Variants in APBA1 observed in about 807,000 individuals in gnomAD.
The protein encoded by APBA1 is amyloid beta precursor protein binding family A member 1, also known as amyloid-beta A4 precursor protein-binding family A member 1.
In APBA1, 55 loss-of-function variants were observed where a neutral mutation model predicts 86.6. That is an observed-to-expected ratio of 0.64 (90% CI 0.51 to 0.80). The LOEUF (loss-of-function observed/expected upper bound fraction) is 0.80, where lower values mean the gene tolerates loss of function less well. Among genes scored for constraint, APBA1 ranks in the 30% least tolerant of loss-of-function variants. APBA1 has a pLI of 0.00. For synonymous variants in APBA1, 511 were observed against 493.9 expected, an observed-to-expected ratio of 1.03 and a Z score of -0.46; for missense variants, 1,090 against 1,183.0, an observed-to-expected ratio of 0.92 and a Z score of 1.15.
At position 69,431,189 on chromosome 9, in the gene APBA1, T is replaced by C; in HGVS notation, c.*138A>G. The stretch of plus-strand genomic sequence containing the variant: ...AAATCGGAGAGAGTAAAGAGGTCCT[T>C]GTGGATTCTTCTCTTCCTGTGTAAA... On this transcript the variant is annotated 3_prime_UTR_variant, in exon 13 of 13. Transcript: ENST00000265381. 1.6e-6 allele frequency: 1 copy of C among 607,600 alleles called. No homozygotes were observed. The highest frequency in any genetic ancestry group is 2.7e-5 in the South Asian group (1 of 37,080). The allele number at this position is 607,600 out of a possible 1,614,324, so 37.6% of individuals were successfully genotyped here.
At chr9:69,579,774 A>G (rs181744713) in intron 1 of APBA1, among the ~76,000 whole-genome samples, 1 of 152,354 alleles carries the variant, frequency 6.6e-6, no homozygotes, top group African/African-American at 2.4e-5. Context: ...AAAGAGGAAA[A>G]CAAGTGGGTC....
chr9:69,599,610 A>C (rs1174365861), intron 1 of APBA1, among the ~76,000 whole-genome samples: 4 of 152,220 alleles, frequency 2.6e-5, no homozygotes, highest in South Asian at 4.1e-4. Context: ...GGGATTATAG[A>C]ACTTTCACCA....
chr9:69,658,306 CTTTCTTTCTTTCTTTCTTTCTT>C lies in APBA1; in HGVS notation c.-70+13825_-70+13846del, dbSNP rs1564105044. Reference sequence around the variant, plus strand: ...TTTCTCTCTCTCTTTCTCTCTCTCTCTTTCTTTCTTTCTTTCTTTCTTTCTTTCTTTCTTTCTTTCTTTCTTT... The same window carrying C: ...TTTCTCTCTCTCTTTCTCTCTCTCTCTCTTTCTTTCTTTCTTTCTTTCTTT... On this transcript the variant is annotated intron_variant, in intron 1 of 12. Coordinates refer to ENST00000265381, the MANE Select transcript of APBA1 (RefSeq NM_001163.4). 2.8e-3 allele frequency among the ~76,000 whole-genome samples: 202 copies of C among 70,938 alleles called. 1 individual carries two copies. The highest frequency in any genetic ancestry group is 7.0e-3 in the African/African-American group (176 of 25,256). 46.5% of individuals were successfully genotyped at this position (70,938 alleles called of 152,430 possible).
At chr9:69,623,753 G>A (rs1353420126) in intron 1 of APBA1, among the ~76,000 whole-genome samples, 2 of 152,196 alleles carry the variant, frequency 1.3e-5, no homozygotes, top group African/African-American at 4.8e-5. Flanking sequence ...CCATGTGGAT[G>A]CACATATTTG....
intron 11 of APBA1, among the ~76,000 whole-genome samples, chr9:69,436,255 A>T (rs1349250304): frequency 1.3e-5 from 2 of 149,778 alleles, no homozygotes; most frequent in African/African-American, 2.5e-5. Context: ...TTGACTTGGC[A>T]ATGTGGGCTC....
chr9:69,657,773 T>G (rs28671175), intron 1 of APBA1, among the ~76,000 whole-genome samples: 171 of 152,344 alleles, frequency 1.1e-3, no homozygotes, highest in African/African-American at 3.9e-3. Flanking sequence ...AGCTTTTATT[T>G]TGGGTGACTC....
intron 1 of APBA1, among the ~76,000 whole-genome samples, chr9:69,540,880 C>T (rs1253826454): frequency 6.6e-6 from 1 of 152,206 alleles, no homozygotes; most frequent in Non-Finnish European, 1.5e-5. Context: ...GTTGGGATTA[C>T]AAGCATGAGC....
At chr9:69,545,590 T>TATTTATCACATGTTTAGAAC (rs1160136163) in intron 1 of APBA1, among the ~76,000 whole-genome samples, 1 of 152,204 alleles carries the variant, frequency 6.6e-6, no homozygotes, top group Non-Finnish European at 1.5e-5. Context: ...TTTTTGTTCT[T>TATTTATCACATGTTTAGAAC]ATTATTTATC....
chr9:69,665,915 T>C (rs948588823), intron 1 of APBA1, among the ~76,000 whole-genome samples: 3 of 152,192 alleles, frequency 2.0e-5, no homozygotes, highest in South Asian at 2.1e-4. Flanking sequence ...CTTGTATTTT[T>C]AGTAGAGACA....
chr9:69,465,913 T>A (rs975771479), intron 5 of APBA1, among the ~76,000 whole-genome samples: 4 of 152,306 alleles, frequency 2.6e-5, no homozygotes, highest in South Asian at 2.1e-4. Context: ...ATGAAGTGGC[T>A]GAGTGGATCC....
chr9:69,644,896 A>T (rs1370141752), intron 1 of APBA1, among the ~76,000 whole-genome samples: 1 of 152,202 alleles, frequency 6.6e-6, no homozygotes, highest in Non-Finnish European at 1.5e-5. Context: ...ACCTGTGATT[A>T]TTCAGGGTAG....
intron 1 of APBA1, among the ~76,000 whole-genome samples, chr9:69,647,156 C>T (rs533484361): frequency 3.1e-4 from 47 of 152,228 alleles, no homozygotes; most frequent in African/African-American, 1.1e-3. Flanking sequence ...CCAGACTGGA[C>T]CCTGAGGTTT....
rs538436934 is a variant in APBA1 at position 69,521,074 on chromosome 9, A to G, written c.-69-3795T>C. ...ACGTGACACATTTAACCTTCACACT[A>G]GCTAATGAAGAGTACTGCCATTATC... On this transcript the variant is annotated intron_variant, in intron 1 of 12. Transcript: ENST00000265381. 1.5e-4 allele frequency among the ~76,000 whole-genome samples: 23 copies of G among 152,338 alleles called. 3 individuals are homozygous for G. The East Asian group carries it at 4.2e-3, about 28-fold the overall frequency.
intron 1 of APBA1, among the ~76,000 whole-genome samples, chr9:69,540,353 T>A (rs994899120): frequency 6.6e-6 from 1 of 151,522 alleles, no homozygotes; most frequent in Non-Finnish European, 1.5e-5. Context: ...GCTCAGTACA[T>A]TTTTTTTTAA....
At chr9:69,441,645 G>T (rs1834826386) in intron 10 of APBA1, among the ~76,000 whole-genome samples, 1 of 152,084 alleles carries the variant, frequency 6.6e-6, no homozygotes, top group Non-Finnish European at 1.5e-5. Context: ...CCTTCTTTCT[G>T]CCAGTTAGAG....
intron 1 of APBA1, among the ~76,000 whole-genome samples, chr9:69,610,013 C>T (rs1176997457): frequency 6.6e-6 from 1 of 152,086 alleles, no homozygotes; most frequent in Admixed American, 6.6e-5. Flanking sequence ...GATTATAAGG[C>T]CACCTTAAAT....
intron 1 of APBA1, among the ~76,000 whole-genome samples, chr9:69,644,974 A>C (rs1025730175): frequency 6.6e-6 from 1 of 152,122 alleles, no homozygotes. Context: ...TGGTGGGAAG[A>C]ATCTATAGAA....
rs181214374 is a variant in APBA1, at chr9:69,516,278, G to A, written c.933C>T (p.Pro311=). The A allele has an allele frequency of 7.1e-4, 1,041 of 1,467,562 alleles. 7 individuals carry two copies. In the African/African-American group the frequency reaches 0.014, roughly 19 times the overall value. 90.9% of individuals were successfully genotyped at this position (1,467,562 alleles called of 1,614,324 possible). Residue 311 remains proline (P), a synonymous_variant, in exon 2 of 13, where the codon CCC becomes CCT. Coordinates refer to ENST00000265381, the MANE Select transcript of APBA1 (RefSeq NM_001163.4). This position sits in a 1 kb window ranked among gnomAD's most constrained non-coding sequence, Gnocchi z 7.3. Reference sequence around the variant, plus strand: ...CCGGCGCCTGCAGCCCGGGGCTGTCGGGGCGACCCCCGGCCGGGGTAGGGG... The same window carrying A: ...CCGGCGCCTGCAGCCCGGGGCTGTCAGGGCGACCCCCGGCCGGGGTAGGGG... ...ERPPTPAGGR[P]DSPGLQAPAG...
chr9:69,457,485 C>A (rs757582013), intron 6 of APBA1, among the ~76,000 whole-genome samples: 4 of 152,200 alleles, frequency 2.6e-5, no homozygotes, highest in Non-Finnish European at 5.9e-5. Context: ...GGCCAAAAAG[C>A]TCATACCAAA....
Sources: gnomAD v4.1 joint callset for allele counts (sites outside exome capture counted in the v4.1 genomes callset) on GRCh38, gnomAD v4.1.1 for gene constraint, Gnocchi (gnomAD v3.1) non-coding constraint, MANE v1.5 for transcripts, NCBI Gene and HGNC (gene_info 2026-07-23, HGNC 2026-07-21) for gene names.